The following NCKAP5 variants were observed in gnomAD, a reference collection of about 807,000 sequenced individuals.
The protein encoded by NCKAP5 is NCK associated protein 5, also known as nck-associated protein 5.
A neutral mutation model predicts 167.0 loss-of-function variants in NCKAP5; 92 were observed. That is an observed-to-expected ratio of 0.55 (90% CI 0.47 to 0.66). NCKAP5 has a LOEUF of 0.66. Among genes scored for constraint, NCKAP5 ranks in the 30% least tolerant of loss-of-function variants. The pLI is 0.00. For missense variants in NCKAP5, 2,378 were observed against 2,315.0 expected (o/e 1.03, Z -0.56); for synonymous variants, 891 against 877.4 (o/e 1.02, Z -0.27).
At chr2:132,733,084 G>A (rs558325955) in intron 16 of NCKAP5, among the ~76,000 whole-genome samples, 12 of 152,314 alleles carry the variant, frequency 7.9e-5, no homozygotes, top group African/African-American at 2.6e-4. Context: ...TGTTAATTGT[G>A]TGTCAGCTGC....
At chr2:133,273,612 TA>T (rs2089605747) in intron 4 of NCKAP5, among the ~76,000 whole-genome samples, 3 of 151,910 alleles carry the variant, frequency 2.0e-5, no homozygotes, top group Admixed American at 2.0e-4. Flanking sequence ...ATACCAAAAG[TA>T]AATATAGGCT....
At chr2:132,755,780 G>A (rs186159880) in intron 16 of NCKAP5, among the ~76,000 whole-genome samples, 1 of 150,808 alleles carries the variant, frequency 6.6e-6, no homozygotes, top group African/African-American at 2.4e-5. Flanking sequence ...GCAGTGAGCC[G>A]AGATCGTGCC....
rs1226676710 is a variant in NCKAP5, at chr2:132,783,559, T to C, written c.3252A>G (p.Val1084=). ...TCAATTGTCCTTTTCTCCCTGGAGA[T>C]ACACTTTTGGAGGACGTCATTTCCA... ...EPLEMTSSKS[V]SPGRKGQLND... is the part of the protein sequence containing the mutation. Residue 1084 remains valine (V), a synonymous_variant, in exon 14 of 20, where the codon GTA becomes GTG. Coordinates refer to ENST00000409261, the MANE Select transcript of NCKAP5 (RefSeq NM_207363.3). The C allele has an allele frequency of 1.2e-6, 2 of 1,613,852 alleles. No individual in the cohort carries two copies. The highest frequency in any genetic ancestry group is 1.7e-6 in the Non-Finnish European group (2 of 1,179,892).
chr2:132,789,048 C>T (rs1222156543), intron 13 of NCKAP5, among the ~76,000 whole-genome samples: 4 of 152,090 alleles, frequency 2.6e-5, no homozygotes, highest in African/African-American at 7.2e-5. Flanking sequence ...CCATGAAGTG[C>T]CTTAAGAACC....
intron 6 of NCKAP5, among the ~76,000 whole-genome samples, chr2:132,997,341 C>T (rs1457805405): frequency 6.6e-6 from 1 of 152,150 alleles, no homozygotes; most frequent in Non-Finnish European, 1.5e-5. Context: ...TGATTTGTGA[C>T]CACACATTTA....
chr2:133,237,645 C>T (rs561862841), intron 4 of NCKAP5, among the ~76,000 whole-genome samples: 1 of 152,240 alleles, frequency 6.6e-6, no homozygotes, highest in Admixed American at 6.5e-5. Flanking sequence ...TGCACTGCAC[C>T]GTGATAAAGA....
In NCKAP5 at chr2:133,174,715, T is replaced by C. The variant is rs958961059; in HGVS notation, c.207+39001A>G. ...TCCAAGTAACATCTTTTTTTTTTTT[T>C]CTCCCCCCTGCTCCAGCTTTGGAAT... On this transcript the variant is annotated intron_variant, in intron 5 of 19. Transcript: ENST00000409261. 1.8e-4 allele frequency among the ~76,000 whole-genome samples: 26 copies of C among 143,348 alleles called. 1 individual carries two copies. Among genetic ancestry groups the C allele is most frequent in the South Asian group, 1.6e-3 (7 of 4,516 alleles). The allele number at this position is 143,348 out of a possible 152,430, so 94.0% of individuals were successfully genotyped here.
At chr2:133,218,372 G>A (rs550279478) in intron 4 of NCKAP5, among the ~76,000 whole-genome samples, 3 of 152,164 alleles carry the variant, frequency 2.0e-5, no homozygotes, top group South Asian at 4.1e-4. Context: ...TTTCACATCC[G>A]CTTCAGCATT....
intron 8 of NCKAP5, chr2:132,911,066 C>T: frequency 5.0e-6 from 1 of 200,194 alleles, no homozygotes. Context: ...AGAGACTTCA[C>T]TGCCTGATTC....
intron 4 of NCKAP5, among the ~76,000 whole-genome samples, chr2:133,255,027 T>G (rs1025813767): frequency 6.6e-6 from 1 of 151,990 alleles, no homozygotes; most frequent in East Asian, 1.9e-4. Context: ...AATTTGACTA[T>G]GAAAAAAAAG....
chr2:133,191,937 TA>T (rs1201254231), intron 5 of NCKAP5, among the ~76,000 whole-genome samples: 2 of 151,992 alleles, frequency 1.3e-5, no homozygotes, highest in African/African-American at 4.8e-5. Flanking sequence ...TCCAGTGAGA[TA>T]TTTTTTAAAT....
chr2:133,060,301 T>C (rs900362511), intron 6 of NCKAP5, among the ~76,000 whole-genome samples: 3 of 152,082 alleles, frequency 2.0e-5, no homozygotes, highest in African/African-American at 7.2e-5. Context: ...GTAAGAAAAA[T>C]ATCAAGCTTC....
intron 5 of NCKAP5, among the ~76,000 whole-genome samples, chr2:133,186,327 CT>C (rs35413941): frequency 6.6e-6 from 1 of 152,064 alleles, no homozygotes; most frequent in Non-Finnish European, 1.5e-5. Context: ...AGTGAATTAA[CT>C]TTTTGATGTG....
intron 8 of NCKAP5, among the ~76,000 whole-genome samples, chr2:132,914,990 CAA>C (rs11404641): frequency 2.4e-4 from 25 of 103,932 alleles, no homozygotes; most frequent in South Asian, 3.4e-4. Context: ...AAGCTATGGC[CAA>C]AAAAAAAAAA....
At chr2:133,415,869 A>G (rs1389212673) in intron 3 of NCKAP5, among the ~76,000 whole-genome samples, 1 of 152,252 alleles carries the variant, frequency 6.6e-6, no homozygotes, top group Non-Finnish European at 1.5e-5. Context: ...AGTTACAGAT[A>G]TATGGACAGA....
At chr2:133,141,558 G>T (rs930721655) in intron 5 of NCKAP5, among the ~76,000 whole-genome samples, 19 of 152,218 alleles carry the variant, frequency 1.2e-4, no homozygotes, top group African/African-American at 4.6e-4. Context: ...TTTAAAGTGG[G>T]AGAATAATTA....
At chr2:133,443,514 G>C (rs1165837422) in intron 3 of NCKAP5, among the ~76,000 whole-genome samples, 1 of 152,080 alleles carries the variant, frequency 6.6e-6, no homozygotes, top group Non-Finnish European at 1.5e-5. Flanking sequence ...CTCCTCCATG[G>C]GAAGGGCCCT....
At chr2:133,297,380 C>A (rs1014870616) in intron 4 of NCKAP5, among the ~76,000 whole-genome samples, 1 of 152,116 alleles carries the variant, frequency 6.6e-6, no homozygotes, top group African/African-American at 2.4e-5. Flanking sequence ...TTTTAAAGGA[C>A]TGCTCATTGC....
At chr2:133,548,510 T>C (rs1255276353) in intron 2 of NCKAP5, among the ~76,000 whole-genome samples, 1 of 151,698 alleles carries the variant, frequency 6.6e-6, no homozygotes, top group African/African-American at 2.4e-5. Context: ...GGGAAGCCCA[T>C]CAGACTAACA....
Sources: gnomAD v4.1 joint callset for allele counts (sites outside exome capture counted in the v4.1 genomes callset) on GRCh38, gnomAD v4.1.1 for gene constraint, MANE v1.5 for transcripts, NCBI Gene and HGNC (gene_info 2026-07-23, HGNC 2026-07-21) for gene names.